Variants in MAN2A1 observed in about 807,000 individuals in gnomAD.
MAN2A1 encodes the protein mannosidase alpha class 2A member 1.
In MAN2A1, 76 loss-of-function variants were observed where a neutral mutation model predicts 142.6. That is an observed-to-expected ratio of 0.53 (90% CI 0.44 to 0.65). The LOEUF is 0.65. Ranked by LOEUF, MAN2A1 falls within the 30% of genes least tolerant of loss-of-function variation. MAN2A1 has a pLI of 0.00. For synonymous variants in MAN2A1, 559 were observed against 473.2 expected (o/e 1.18, Z -2.35); for missense variants, 1,311 against 1,365.1 (o/e 0.96, Z 0.62).
intron 17 of MAN2A1, 102 bp from the exon 18 acceptor site, chr5:109,845,763 C>A: frequency 3.7e-6 from 3 of 800,398 alleles, no homozygotes; most frequent in East Asian, 5.6e-5. Flanking sequence ...AAAAAGGAAG[C>A]TTTGTCTTTT....
At chr5:109,770,958 G>C (rs1344334018) in intron 7 of MAN2A1, among the ~76,000 whole-genome samples, 2 of 152,132 alleles carry the variant, frequency 1.3e-5, no homozygotes, top group Non-Finnish European at 2.9e-5. Context: ...GTAATTATCT[G>C]TTCCCTTAAT....
chr5:109,849,842 G>T (rs1755439754), intron 19 of MAN2A1, among the ~76,000 whole-genome samples: 1 of 152,026 alleles, frequency 6.6e-6, no homozygotes, highest in South Asian at 2.1e-4. Flanking sequence ...TATGGGCCCT[G>T]CATGTCCCCT....
intron 19 of MAN2A1, among the ~76,000 whole-genome samples, chr5:109,848,337 T>C (rs919207840): frequency 6.6e-6 from 1 of 152,320 alleles, no homozygotes; most frequent in Admixed American, 6.5e-5. Context: ...CCTGACGATA[T>C]GCTTGTTCAG....
At chr5:109,707,027 A>G (rs1240971531) in intron 1 of MAN2A1, among the ~76,000 whole-genome samples, 1 of 152,210 alleles carries the variant, frequency 6.6e-6, no homozygotes, top group African/African-American at 2.4e-5. Context: ...CTCTTGAGCC[A>G]GGTTAGTGAT....
rs147469074 is a variant in MAN2A1 at position 109,843,086 on chromosome 5, A to C, written c.2700+625A>C. ...CTTTCAAAGTGCTGGGATTGTGGGC[A>C]TGAGCCACTGTGCCCGGTCTGTTTT... On this transcript the variant is annotated intron_variant, in intron 17 of 21. Coordinates refer to ENST00000261483, the MANE Select transcript of MAN2A1 (RefSeq NM_002372.4). 3.8e-3 allele frequency among the ~76,000 whole-genome samples: 576 copies of C among 152,264 alleles called. 5 individuals are homozygous for C. Among genetic ancestry groups the C allele is most frequent in the African/African-American group, 0.013 (558 of 41,548 alleles).
chr5:109,729,501 A>C lies in MAN2A1; in HGVS notation c.695A>C (p.Asp232Ala). 6.5e-7 allele frequency: 1 copy of C among 1,529,670 alleles called. No individual in the cohort carries two copies. The highest frequency in any genetic ancestry group is 8.8e-7 in the Non-Finnish European group (1 of 1,139,730). 94.8% of individuals were successfully genotyped at this position (1,529,670 alleles called of 1,614,324 possible). ...GATATTATAGATATTCAGAAGAAGG[A>C]TGCTGTTAAAAGGTTTGTTTTAAAA... is the stretch of plus-strand genomic sequence containing the variant. Reference protein sequence around the residue: ...WWDIIDIQKKDAVKSLIENGQ... With the variant: ...WWDIIDIQKKAAVKSLIENGQ... Residue 232 changes from aspartate to alanine, a missense_variant, in exon 4 of 22, where the codon GAT becomes GCT. Physicochemically the swap from Asp to Ala is moderately radical, Grantham distance 126. Around this residue, in one of 3 missense-constraint regions of MAN2A1, gnomAD observed 409 missense variants for 412.7 expected, o/e 0.99. Coordinates refer to ENST00000261483, the MANE Select transcript of MAN2A1 (RefSeq NM_002372.4).
Position 109,774,979 on chromosome 5 carries a change from A to G in MAN2A1, c.1374+14A>G, listed in dbSNP as rs1195952965. 1 of 1,537,292 alleles carries G rather than the reference A, an allele frequency of 6.5e-7. No homozygotes were observed. Among genetic ancestry groups the G allele is most frequent in the Admixed American group, 1.9e-5 (1 of 53,570 alleles). On this transcript the variant is annotated intron_variant, in intron 8 of 21. Coordinates refer to ENST00000261483, the MANE Select transcript of MAN2A1 (RefSeq NM_002372.4). The stretch of plus-strand genomic sequence containing the variant: ...TTTAAAGTTAAGGTAAGGAGAAAAT[A>G]TTTATGATTCCGTATTTGAAATTGA...
chr5:109,751,486 G>A (rs1351616744), intron 4 of MAN2A1, among the ~76,000 whole-genome samples: 3 of 151,914 alleles, frequency 2.0e-5, no homozygotes, highest in African/African-American at 7.3e-5. Flanking sequence ...CATCCCTTTG[G>A]TGTACTGATT....
At chr5:109,734,197 T>C (rs1315591000) in intron 4 of MAN2A1, among the ~76,000 whole-genome samples, 1 of 151,666 alleles carries the variant, frequency 6.6e-6, no homozygotes, top group African/African-American at 2.4e-5. Context: ...TTCTGTGGGA[T>C]CGGTGGTGAT....
At position 109,820,297 on chromosome 5, in the gene MAN2A1, A is replaced by C. The variant is rs772548387; in HGVS notation, c.2406A>C (p.Arg802Ser). ...QFSWYGTTIK[R>S]DKSGAYLFLP... ...CATGGTATGGAACCACAATTAAAAG[A>C]GACAAAAGTGGTGCCTACCTCTTCT... is the stretch of plus-strand genomic sequence containing the variant. The change falls in exon 15 of 22, where the codon AGA (arginine) becomes AGC (serine). Residue 802 changes from arginine (R) to serine (S), a missense_variant. Arg to Ser is a moderately radical substitution (Grantham distance 110). Coordinates refer to ENST00000261483, the MANE Select transcript of MAN2A1 (RefSeq NM_002372.4). The C allele has an allele frequency of 2.5e-6, 4 of 1,613,028 alleles. No homozygotes were observed. The highest frequency in any genetic ancestry group is 1.7e-4 in the Middle Eastern group (1 of 6,024).
chr5:109,782,272 TTCAATCACTGATAGAA>T, intron 9 of MAN2A1, among the ~76,000 whole-genome samples: 1 of 152,274 alleles, frequency 6.6e-6, no homozygotes, highest in Non-Finnish European at 1.5e-5. Context: ...CAGGAGAACT[TTCAATCACTGATAGAA>T]TGTTCTATAG....
intron 1 of MAN2A1, among the ~76,000 whole-genome samples, chr5:109,704,179 G>A (rs532603176): frequency 6.6e-6 from 1 of 152,202 alleles, no homozygotes; most frequent in African/African-American, 2.4e-5. Context: ...GGGATGTTGG[G>A]CTTGGAGTCC....
At chr5:109,864,877 A>G (rs1170137234) in intron 20 of MAN2A1, 159 bp from the exon 21 acceptor site, 6 of 619,714 alleles carry the variant, frequency 9.7e-6, no homozygotes, top group Non-Finnish European at 1.8e-5. Context: ...TAGCAGGTGA[A>G]TGGGCAGTGA....
intron 21 of MAN2A1, 115 bp from the exon 22 acceptor site, chr5:109,866,721 TCCTCAAAAGA>T: frequency 1.7e-6 from 1 of 572,670 alleles, no homozygotes; most frequent in Admixed American, 3.4e-5. Flanking sequence ...CACCCTTTTT[TCCTCAAAAGA>T]GAACTTCAAC....
In MAN2A1 at chr5:109,719,166, A is replaced by G. The variant is rs557774894; in HGVS notation, c.535+2902A>G. Reference sequence around the variant, plus strand: ...ACATCCCTAGTAAGTATTCCTGACTATAATCTCTTTTGGTATCCTAGTAAC... The same window carrying G: ...ACATCCCTAGTAAGTATTCCTGACTGTAATCTCTTTTGGTATCCTAGTAAC... On this transcript the variant is annotated intron_variant, in intron 3 of 21. Coordinates refer to ENST00000261483, the MANE Select transcript of MAN2A1 (RefSeq NM_002372.4). Among the ~76,000 whole-genome samples, 93 of 152,284 alleles carry G rather than the reference A, an allele frequency of 6.1e-4. 1 individual carries two copies. The highest frequency in any genetic ancestry group is 2.1e-3 in the African/African-American group (87 of 41,566).
At chr5:109,761,374 A>G (rs1482345218) in intron 5 of MAN2A1, among the ~76,000 whole-genome samples, 1 of 151,722 alleles carries the variant, frequency 6.6e-6, no homozygotes, top group African/African-American at 2.4e-5. Context: ...GGTAGGTGCT[A>G]TTTATAGTGT....
At chr5:109,750,943 G>A (rs1050966052) in intron 4 of MAN2A1, among the ~76,000 whole-genome samples, 38 of 151,994 alleles carry the variant, frequency 2.5e-4, no homozygotes, top group African/African-American at 7.5e-4. Context: ...GGGTTGGGGC[G>A]TCCATCACCT....
At chr5:109,799,276 C>T (rs766278071) in intron 12 of MAN2A1, among the ~76,000 whole-genome samples, 2 of 152,158 alleles carry the variant, frequency 1.3e-5, no homozygotes. Flanking sequence ...GACTCTTTAA[C>T]GTGGCTTGTG....
chr5:109,781,571 T>C lies in MAN2A1; in HGVS notation c.1550T>C (p.Met517Thr). 6.2e-7 allele frequency: 1 copy of C among 1,606,630 alleles called. No homozygotes were observed. The highest frequency in any genetic ancestry group is 1.1e-5 in the South Asian group (1 of 88,916). Residue 517 changes from methionine to threonine, a missense_variant, in exon 9 of 22, where the codon ATG becomes ACG. Physicochemically the swap from Met to Thr is moderately conservative, Grantham distance 81 (BLOSUM62 -1). Coordinates refer to ENST00000261483, the MANE Select transcript of MAN2A1 (RefSeq NM_002372.4). ...ACATCCAGACCCTTTTACAAACGAA[T>C]GGACAGAATCATGGAATCTCATTTA... ...YFTSRPFYKR[M>T]DRIMESHLRA...
Sources: gnomAD v4.1 joint callset for allele counts (sites outside exome capture counted in the v4.1 genomes callset) on GRCh38, gnomAD v4.1.1 for gene constraint, gnomAD v4.1.1 regional missense constraint, MANE v1.5 for transcripts, NCBI Gene and HGNC (gene_info 2026-07-23, HGNC 2026-07-21) for gene names.